Variants in USP34 observed in about 807,000 individuals in gnomAD.
The protein encoded by USP34 is ubiquitin carboxyl-terminal hydrolase 34.
Under a neutral mutation model 460.3 loss-of-function variants are expected in USP34, and 70 were observed. That is an observed-to-expected ratio of 0.15 (90% CI 0.13 to 0.19). The LOEUF is 0.19. Ranked by LOEUF, USP34 falls within the 10% of genes least tolerant of loss-of-function variation. USP34 has a pLI of 1.00. For synonymous variants in USP34, 1,647 were observed against 1,405.3 expected (o/e 1.17, Z -3.85); for missense variants, 3,985 against 4,236.2 (o/e 0.94, Z 1.65).
chr2:61,249,588 G>A (rs1161517612), intron 48 of USP34, among the ~76,000 whole-genome samples: 2 of 152,130 alleles, frequency 1.3e-5, no homozygotes, highest in Non-Finnish European at 2.9e-5. Flanking sequence ...AAACTATACA[G>A]TCAGTCCCTG....
intron 1 of USP34, among the ~76,000 whole-genome samples, chr2:61,442,241 AAAC>A (rs1694986339): frequency 6.6e-6 from 1 of 152,324 alleles, no homozygotes; most frequent in South Asian, 2.1e-4. Flanking sequence ...CACAGGCAAC[AAAC>A]AACAAATGGA....
chr2:61,205,499 C>A (rs935691365), intron 72 of USP34, among the ~76,000 whole-genome samples: 1 of 151,644 alleles, frequency 6.6e-6, no homozygotes, highest in African/African-American at 2.4e-5. Flanking sequence ...TACGGTCTCT[C>A]GAGAAGTTTC....
At position 61,323,278 on chromosome 2, in the gene USP34, G is replaced by A. The variant is rs574077993; in HGVS notation, c.3013+2097C>T. 2.4e-3 allele frequency among the ~76,000 whole-genome samples: 367 copies of A among 152,248 alleles called. 1 individual carries two copies. The highest frequency in any genetic ancestry group is 8.1e-3 in the African/African-American group (336 of 41,552). ...TGTAATCCCACCACTTTGGGAGGCCGAGGCGGGCGGATCACGAGGTCAGGA... is the reference window on the plus strand; with the variant it reads ...TGTAATCCCACCACTTTGGGAGGCCAAGGCGGGCGGATCACGAGGTCAGGA... On this transcript the variant is annotated intron_variant, in intron 21 of 79. Coordinates refer to ENST00000398571, the MANE Select transcript of USP34 (RefSeq NM_014709.4).
chr2:61,441,917 A>C (rs552643261), intron 1 of USP34, among the ~76,000 whole-genome samples: 1 of 152,262 alleles, frequency 6.6e-6, no homozygotes, highest in African/African-American at 2.4e-5. Context: ...GTACTGACAT[A>C]AGAACAGATA....
chr2:61,289,156 TA>T (rs1222885973), intron 33 of USP34, among the ~76,000 whole-genome samples: 1 of 152,144 alleles, frequency 6.6e-6, no homozygotes, highest in Admixed American at 6.5e-5. Context: ...AAAATATATG[TA>T]ATAGCTATGA....
intron 27 of USP34, among the ~76,000 whole-genome samples, chr2:61,307,816 G>GC (rs1350781968): frequency 7.0e-6 from 1 of 143,622 alleles, no homozygotes; most frequent in African/African-American, 3.0e-5. Flanking sequence ...GGACGGCCAA[G>GC]GGGGGAGGAT....
At chr2:61,456,758 G>A (rs1002849522) in intron 1 of USP34, among the ~76,000 whole-genome samples, 1 of 152,030 alleles carries the variant, frequency 6.6e-6, no homozygotes, top group African/African-American at 2.4e-5. Context: ...TTCACGACCA[G>A]CCTGGGCAAC....
At chr2:61,452,836 G>T (rs1253631084) in intron 1 of USP34, among the ~76,000 whole-genome samples, 4 of 147,038 alleles carry the variant, frequency 2.7e-5, no homozygotes, top group Non-Finnish European at 5.9e-5. Context: ...AGTCAGTCTT[G>T]ATCACGCCAC....
At chr2:61,235,794 A>G (rs776734452) in intron 57 of USP34, 51 bp downstream of exon 57, 198 of 1,200,086 alleles carry the variant, frequency 1.6e-4, no homozygotes, top group Admixed American at 9.7e-4. Flanking sequence ...AGAGGGGGGG[A>G]AAAAAAAAAG....
Position 61,373,917 on chromosome 2 carries a change from G to C in USP34, c.1077-3338C>G, listed in dbSNP as rs543009770. Among the ~76,000 whole-genome samples, 20 of 152,278 alleles carry C rather than the reference G, an allele frequency of 1.3e-4. No individual in the cohort carries two copies. In the South Asian group the frequency reaches 4.1e-3, roughly 32 times the overall value. On this transcript the variant is annotated intron_variant, in intron 8 of 79. Transcript: ENST00000398571. ...CACCTGTAATCCCAGCACTTTGGGA[G>C]GCCAAGACGGGTGGACTGCTTGAGG...
At chr2:61,255,284 T>C (rs1226493365) in intron 48 of USP34, among the ~76,000 whole-genome samples, 2 of 152,218 alleles carry the variant, frequency 1.3e-5, no homozygotes, top group East Asian at 1.9e-4. Flanking sequence ...GAATGTATTA[T>C]AGTATAAACA....
At chr2:61,313,889 T>C (rs1448317269) in intron 25 of USP34, among the ~76,000 whole-genome samples, 1 of 152,134 alleles carries the variant, frequency 6.6e-6, no homozygotes, top group Admixed American at 6.5e-5. Flanking sequence ...AACTAAGATC[T>C]GAAGTTGAAA....
chr2:61,447,127 C>A (rs756044428), intron 1 of USP34, among the ~76,000 whole-genome samples: 1 of 151,672 alleles, frequency 6.6e-6, no homozygotes, highest in Non-Finnish European at 1.5e-5. Flanking sequence ...TCGTGGCATG[C>A]ACCTGCAGTC....
chr2:61,355,259 G>C (rs1182240557), intron 10 of USP34, among the ~76,000 whole-genome samples: 4 of 152,114 alleles, frequency 2.6e-5, no homozygotes, highest in Admixed American at 1.3e-4. Flanking sequence ...ATGCTAAAGA[G>C]TCCTTCCAGT....
intron 75 of USP34, among the ~76,000 whole-genome samples, chr2:61,202,146 G>A (rs752304022): frequency 1.3e-5 from 2 of 152,170 alleles, no homozygotes; most frequent in Non-Finnish European, 2.9e-5. Context: ...CCTGACAGCT[G>A]TTACCACTTT....
intron 48 of USP34, chr2:61,249,942 CA>C (rs1688530189): frequency 6.0e-6 from 1 of 167,534 alleles, no homozygotes; most frequent in South Asian, 1.7e-4. Context: ...CCAGCCATAG[CA>C]TTGGAGAGAA....
intron 52 of USP34, 38 bp from the exon 53 acceptor site, chr2:61,241,693 C>T: frequency 1.3e-6 from 2 of 1,529,766 alleles, no homozygotes; most frequent in Non-Finnish European, 1.8e-6. Context: ...TTCATTTTGA[C>T]AAAGTATTAC....
chr2:61,230,859 C>A (rs1168851955), intron 58 of USP34, among the ~76,000 whole-genome samples: 63 of 113,852 alleles, frequency 5.5e-4, no homozygotes, highest in East Asian at 9.6e-4. Flanking sequence ...AAAAAAAAAA[C>A]AAAACACAAA....
intron 33 of USP34, among the ~76,000 whole-genome samples, chr2:61,292,658 A>T (rs551184503): frequency 1.1e-4 from 17 of 152,330 alleles, no homozygotes; most frequent in Non-Finnish European, 1.6e-4. Context: ...ATTCAAAAAA[A>T]GCAAAACAAA....
Sources: gnomAD v4.1 joint callset for allele counts (sites outside exome capture counted in the v4.1 genomes callset) on GRCh38, gnomAD v4.1.1 for gene constraint, MANE v1.5 for transcripts, NCBI Gene and HGNC (gene_info 2026-07-23, HGNC 2026-07-21) for gene names.